IPO11: variants seen among roughly 807,000 people sequenced by gnomAD.
IPO11 encodes the protein importin 11.
IPO11 carries 66 observed loss-of-function variants against 143.2 expected under a neutral mutation model. The ratio of observed to expected loss-of-function variants is 0.46; its 90% confidence interval spans 0.38 to 0.57. The LOEUF (loss-of-function observed/expected upper bound fraction) is 0.57, where lower values mean the gene tolerates loss of function less well. IPO11 is among the 20% of genes least tolerant of loss of function. The pLI is 0.00. For missense variants in IPO11, 1,026 were observed against 1,141.0 expected (o/e 0.90, Z 1.45); for synonymous variants, 385 against 377.8 (o/e 1.02, Z -0.22).
intron 27 of IPO11, chr5:62,579,450 A>T (rs747284881): frequency 1.3e-6 from 2 of 1,550,794 alleles, no homozygotes; most frequent in South Asian, 2.4e-5. Context: ...TGTGTGGATT[A>T]CAGTTTTCTC....
intron 24 of IPO11, among the ~76,000 whole-genome samples, chr5:62,545,479 C>T (rs1743136158): frequency 6.6e-6 from 1 of 152,160 alleles, no homozygotes; most frequent in South Asian, 2.1e-4. Context: ...AGTGTTAGAC[C>T]TAAAACCATA....
intron 16 of IPO11, 73 bp from the exon 17 acceptor site, chr5:62,504,594 A>C: frequency 1.2e-6 from 1 of 857,476 alleles, no homozygotes. Flanking sequence ...TTTGGAATAA[A>C]ATTTTTTGTT....
At chr5:62,446,832 G>GGT (rs1173681825) in intron 3 of IPO11, among the ~76,000 whole-genome samples, 1 of 151,980 alleles carries the variant, frequency 6.6e-6, no homozygotes, top group African/African-American at 2.4e-5. Flanking sequence ...AGCTGGACAT[G>GGT]GTAGTGTAAG....
intron 22 of IPO11, 51 bp from the exon 23 acceptor site, chr5:62,536,651 T>A: frequency 1.3e-6 from 2 of 1,551,196 alleles, no homozygotes; most frequent in Non-Finnish European, 1.7e-6. Context: ...TAAACTAATT[T>A]TGAGCAGTGA....
intron 16 of IPO11, among the ~76,000 whole-genome samples, chr5:62,496,752 G>T (rs139631837): frequency 2.0e-5 from 3 of 152,102 alleles, no homozygotes; most frequent in Non-Finnish European, 4.4e-5. Context: ...CACACATTGT[G>T]TATGTATGTG....
chr5:62,490,109 T>C lies in IPO11; in HGVS notation c.1358-6T>C, dbSNP rs26644. ...TTTAATTTTTTTTCTTAAATTTTCT[T>C]CTCAGTGTATAATGCTGTTGGATTA... On this transcript the variant is annotated splice_polypyrimidine_tract_variant and splice_region_variant and intron_variant, in intron 14 of 29. Transcript: ENST00000325324. The C allele has an allele frequency of 0.59, 901,064 of 1,532,852 alleles. 267,401 individuals carry two copies. The highest frequency in any genetic ancestry group is 0.68 in the South Asian group (52,574 of 76,776). 95.0% of individuals were successfully genotyped at this position (1,532,852 alleles called of 1,614,324 possible).
At chr5:62,601,575 T>A (rs893504431) in intron 28 of IPO11, among the ~76,000 whole-genome samples, 189 bp from the exon 29 acceptor site, 1 of 152,150 alleles carries the variant, frequency 6.6e-6, no homozygotes, top group Non-Finnish European at 1.5e-5. Context: ...TGGCCCTTTT[T>A]ATAGTGAGAT....
In IPO11 at chr5:62,434,440, C is replaced by CTA. The variant is rs555379237; in HGVS notation, c.-6-2833_-6-2832dup. The stretch of plus-strand genomic sequence containing the variant: ...ACCTTAGCCTCCTTAGTAGCTGGGA[C>CTA]TACAAGTGCACACCACACCTGGGTA... On this transcript the variant is annotated intron_variant, in intron 1 of 29. Transcript: ENST00000325324. Among the ~76,000 whole-genome samples, 5 of 152,030 alleles carry CTA rather than the reference C, an allele frequency of 3.3e-5. No individual in the cohort carries two copies. The South Asian group carries it at 1.0e-3, about 32-fold the overall frequency.
At chr5:62,427,099 G>A (rs1454034681) in intron 1 of IPO11, among the ~76,000 whole-genome samples, 1 of 151,348 alleles carries the variant, frequency 6.6e-6, no homozygotes, top group East Asian at 1.9e-4. Flanking sequence ...CACCACACCT[G>A]GCTCATTTTT....
Position 62,493,997 on chromosome 5 carries a change from G to T in IPO11, c.1464-1G>T. On this transcript the variant is annotated splice_acceptor_variant, in intron 15 of 29. Transcript: ENST00000325324. LOFTEE classifies it high-confidence loss of function. ...TAATTTCATGATTTTTTCCTGTTTA[G>T]GTATAAGCCATTGCGACGCAGGGTG... The T allele has an allele frequency of 6.2e-7, 1 of 1,607,624 alleles. No homozygotes were observed.
chr5:62,571,981 C>T (rs1391037355), intron 27 of IPO11, among the ~76,000 whole-genome samples: 10 of 152,122 alleles, frequency 6.6e-5, no homozygotes, highest in South Asian at 2.1e-4. Flanking sequence ...CCACTGCACC[C>T]GGCCTTATTA....
At chr5:62,522,461 A>G (rs1742234987) in intron 20 of IPO11, among the ~76,000 whole-genome samples, 2 of 151,732 alleles carry the variant, frequency 1.3e-5, no homozygotes, top group African/African-American at 2.4e-5. Flanking sequence ...ATTTTTGTAT[A>G]TTTAGTGGAG....
rs568843319 is a variant in IPO11, at chr5:62,478,954, T to A, written c.828+2201T>A. ...GTCTCTTTTTCTCTTTTTTAAATTA[T>A]ACTTTAAGTTCTAGGGTACATGTGC... On this transcript the variant is annotated intron_variant, in intron 9 of 29. Coordinates refer to ENST00000325324, the MANE Select transcript of IPO11 (RefSeq NM_016338.5). Among the ~76,000 whole-genome samples the A allele has an allele frequency of 3.3e-5, 5 of 152,344 alleles. No individual in the cohort carries two copies. The South Asian group carries it at 1.0e-3, about 32-fold the overall frequency.
chr5:62,581,280 C>T, intron 27 of IPO11: 1 of 1,528,058 alleles, frequency 6.5e-7, no homozygotes. Flanking sequence ...AGGCACAGGT[C>T]ATTCTTTTTG....
In IPO11 at chr5:62,435,110, G is replaced by GTATATATGTATATATGTA. The variant is rs1561308797; in HGVS notation, c.-6-2140_-6-2123dup. ...TATATATGTATATATGTATATATAT[G>GTATATATGTATATATGTA]TATATATGTATATATGTATATATAT... On this transcript the variant is annotated intron_variant, in intron 1 of 29. Transcript: ENST00000325324. Among the ~76,000 whole-genome samples the GTATATATGTATATATGTA allele has an allele frequency of 8.1e-3, 529 of 65,416 alleles. 32 individuals carry two copies. The highest frequency in any genetic ancestry group is 0.013 in the Non-Finnish European group (400 of 31,392). The allele number at this position is 65,416 out of a possible 152,430, so 42.9% of individuals were successfully genotyped here. A position where few individuals can be genotyped will look rare whatever the true frequency, so the allele number is the denominator to read the frequency against.
intron 28 of IPO11, among the ~76,000 whole-genome samples, chr5:62,599,241 G>A (rs533722450): frequency 2.0e-5 from 3 of 152,322 alleles, no homozygotes; most frequent in Middle Eastern, 6.8e-3. Context: ...TGGAATACTT[G>A]GCCTTTGCCC....
At chr5:62,613,744 G>A (rs1220198179) in intron 29 of IPO11, among the ~76,000 whole-genome samples, 1 of 152,032 alleles carries the variant, frequency 6.6e-6, no homozygotes, top group East Asian at 1.9e-4. Flanking sequence ...GCTTCCACCT[G>A]GTTCTCTAAG....
At chr5:62,626,719 C>G (rs1182026437) in intron 29 of IPO11, among the ~76,000 whole-genome samples, 2 of 147,472 alleles carry the variant, frequency 1.4e-5, no homozygotes, top group African/African-American at 5.0e-5. Flanking sequence ...GTATTGCAAT[C>G]CAGGGTAGGG....
chr5:62,431,249 C>T (rs1204794238), intron 1 of IPO11, among the ~76,000 whole-genome samples: 1 of 152,014 alleles, frequency 6.6e-6, no homozygotes, highest in Non-Finnish European at 1.5e-5. Context: ...AAAGTGCTGG[C>T]ATTACAGGTG....
Sources: gnomAD v4.1 joint callset for allele counts (sites outside exome capture counted in the v4.1 genomes callset) on GRCh38, gnomAD v4.1.1 for gene constraint, MANE v1.5 for transcripts, NCBI Gene and HGNC (gene_info 2026-07-23, HGNC 2026-07-21) for gene names.